Variants in DNAJC3 observed in about 807,000 individuals in gnomAD.
DNAJC3 encodes the protein DnaJ heat shock protein family (Hsp40) member C3.
DNAJC3 carries 38 observed loss-of-function variants against 68.6 expected under a neutral mutation model. That is an observed-to-expected ratio of 0.55 (90% CI 0.43 to 0.73). The LOEUF is 0.73. DNAJC3 is among the 30% of genes least tolerant of loss of function. The pLI is 0.00. For missense variants in DNAJC3, 526 were observed against 591.9 expected (o/e 0.89, Z 1.16); for synonymous variants, 203 against 204.0 (o/e 1.00, Z 0.04).
chr13:95,782,548 T>G (rs1883484988), intron 9 of DNAJC3, among the ~76,000 whole-genome samples: 1 of 152,234 alleles, frequency 6.6e-6, no homozygotes, highest in Non-Finnish European at 1.5e-5. Context: ...ATTTCTCTAA[T>G]GACCAGTGAT....
intron 11 of DNAJC3, among the ~76,000 whole-genome samples, chr13:95,787,749 T>C (rs576088892): frequency 6.6e-6 from 1 of 152,188 alleles, no homozygotes; most frequent in Admixed American, 6.5e-5. Context: ...ACTCCTGGGC[T>C]AAAGTGATCT....
At chr13:95,771,516 T>C (rs1883159136) in intron 9 of DNAJC3, among the ~76,000 whole-genome samples, 1 of 152,038 alleles carries the variant, frequency 6.6e-6, no homozygotes, top group African/African-American at 2.4e-5. Flanking sequence ...AGACTATGTG[T>C]TGAAGGCAGG....
chr13:95,747,117 T>C (rs1272833121), intron 4 of DNAJC3, among the ~76,000 whole-genome samples: 2 of 152,228 alleles, frequency 1.3e-5, no homozygotes, highest in African/African-American at 2.4e-5. Flanking sequence ...ATCATTTAAT[T>C]TGTCTTTGAG....
chr13:95,755,756 C>CA (rs56659621), intron 4 of DNAJC3, among the ~76,000 whole-genome samples: 1,823 of 14,912 alleles, frequency 0.12, 257 homozygotes, highest in Non-Finnish European at 0.18. Context: ...GACGCCGTCT[C>CA]AAAAAAAAAA....
chr13:95,794,092 A>G lies in DNAJC3; in HGVS notation c.*3062A>G, dbSNP rs1477313805. On this transcript the variant is annotated 3_prime_UTR_variant, in exon 12 of 12. Transcript: ENST00000602402. ...AGATGTAACGTACTACTAATTCTAC[A>G]ATGCCTTTCTCTTTAGTCAGTATTA... 1 of 152,248 alleles carries G rather than the reference A, an allele frequency of 6.6e-6. No individual in the cohort carries two copies. The highest frequency in any genetic ancestry group is 2.4e-5 in the African/African-American group (1 of 41,470). The allele number at this position is 152,248 out of a possible 1,614,324, so 9.4% of individuals were successfully genotyped here. A position where few individuals can be genotyped will look rare whatever the true frequency, so the allele number is the denominator to read the frequency against.
At chr13:95,739,882 T>G (rs901910878) in intron 4 of DNAJC3, among the ~76,000 whole-genome samples, 12 of 152,354 alleles carry the variant, frequency 7.9e-5, no homozygotes, top group African/African-American at 2.2e-4. Context: ...GAGGAGGAGA[T>G]GCGCTCTGCT....
intron 4 of DNAJC3, among the ~76,000 whole-genome samples, chr13:95,741,135 G>A (rs976778956): frequency 1.3e-5 from 2 of 152,074 alleles, no homozygotes; most frequent in African/African-American, 2.4e-5. Context: ...GCTTTTTCAT[G>A]TTTAAGTTCT....
chr13:95,677,923 C>G (rs750452639), intron 1 of DNAJC3, among the ~76,000 whole-genome samples: 2 of 152,108 alleles, frequency 1.3e-5, no homozygotes, highest in Non-Finnish European at 2.9e-5. Flanking sequence ...GGAATTCCAT[C>G]TCCCGGACGG....
intron 4 of DNAJC3, among the ~76,000 whole-genome samples, chr13:95,728,030 T>C (rs1881586311): frequency 6.6e-6 from 1 of 152,234 alleles, no homozygotes; most frequent in African/African-American, 2.4e-5. Context: ...TAGAATTGAC[T>C]CTTTTTACTC....
In DNAJC3 at chr13:95,792,212, T is replaced by G. The variant is rs369481789; in HGVS notation, c.*1182T>G. ...TAAGATGGCATCTCCTCTTGAGATA[T>G]GTTCTTCTTACCTTTTAAGAAGATA... On this transcript the variant is annotated 3_prime_UTR_variant, in exon 12 of 12. Coordinates refer to ENST00000602402, the MANE Select transcript of DNAJC3 (RefSeq NM_006260.5). 6 of 152,388 alleles carry G rather than the reference T, an allele frequency of 3.9e-5. No homozygotes were observed. The East Asian group carries it at 7.7e-4, about 20-fold the overall frequency. 9.4% of individuals were successfully genotyped at this position (152,388 alleles called of 1,614,324 possible). A position where few individuals can be genotyped will look rare whatever the true frequency, so the allele number is the denominator to read the frequency against.
chr13:95,787,295 C>A lies in DNAJC3; in HGVS notation c.1357+140C>A, dbSNP rs1030930352. ...CAGTTCCAGAGGTCCAGTTTTATGCCTGCCCTCATTCAGCCCTCTTATGTT... is the reference window on the plus strand; with the variant it reads ...CAGTTCCAGAGGTCCAGTTTTATGCATGCCCTCATTCAGCCCTCTTATGTT... On this transcript the variant is annotated intron_variant, in intron 11 of 11. Transcript: ENST00000602402. 5 of 1,035,702 alleles carry A rather than the reference C, an allele frequency of 4.8e-6. No homozygotes were observed. In the African/African-American group the frequency reaches 8.1e-5, roughly 17 times the overall value. The allele number at this position is 1,035,702 out of a possible 1,614,324, so 64.2% of individuals were successfully genotyped here.
At chr13:95,726,160 C>T (rs1881512932) in intron 4 of DNAJC3, among the ~76,000 whole-genome samples, 1 of 152,028 alleles carries the variant, frequency 6.6e-6, no homozygotes, top group African/African-American at 2.4e-5. Flanking sequence ...TTTATAGCAG[C>T]ATGATTTATA....
chr13:95,703,337 C>A (rs1397554840), intron 1 of DNAJC3, among the ~76,000 whole-genome samples: 1 of 152,220 alleles, frequency 6.6e-6, no homozygotes, highest in African/African-American at 2.4e-5. Flanking sequence ...AGCATAGGAA[C>A]ACCTGACAGT....
At chr13:95,689,712 A>T (rs867174377) in intron 1 of DNAJC3, among the ~76,000 whole-genome samples, 1 of 151,636 alleles carries the variant, frequency 6.6e-6, no homozygotes, top group Non-Finnish European at 1.5e-5. Flanking sequence ...CGATCTTTCT[A>T]TCTTTTTGAT....
intron 1 of DNAJC3, among the ~76,000 whole-genome samples, chr13:95,684,566 G>A (rs1392478430): frequency 6.6e-6 from 1 of 152,216 alleles, no homozygotes; most frequent in East Asian, 1.9e-4. Context: ...AGTAATTCAA[G>A]CAGACTGCAT....
In DNAJC3 at chr13:95,760,165, G is replaced by A. The variant is rs1346706684; in HGVS notation, c.672G>A (p.Ala224=). 4 of 1,611,890 alleles carry A rather than the reference G, an allele frequency of 2.5e-6. No individual in the cohort carries two copies. Among genetic ancestry groups the A allele is most frequent in the East Asian group, 2.2e-5 (1 of 44,818 alleles). ...AGTTGAAGAATGATAATACTGAAGC[G>A]TTTTATAAAATAAGCACACTGTACT... is the stretch of plus-strand genomic sequence containing the variant. ...ASKLKNDNTE[A]FYKISTLYYQ... The change falls in exon 6 of 12, where the codon GCG becomes GCA. Residue 224 remains alanine, a synonymous_variant. Transcript: ENST00000602402.
chr13:95,764,671 TATATATATATATACACAC>T (rs1341603684), intron 9 of DNAJC3, among the ~76,000 whole-genome samples: 14 of 122,568 alleles, frequency 1.1e-4, no homozygotes, highest in African/African-American at 4.9e-4. Context: ...TATATATATA[TATATATATATATACACAC>T]ACACACATAT....
At chr13:95,693,272 A>AGCTTAGGAAAGG (rs1447994027) in intron 1 of DNAJC3, 1 of 152,222 alleles carries the variant, frequency 6.6e-6, no homozygotes, top group African/African-American at 2.4e-5. Flanking sequence ...CTTAGCACTT[A>AGCTTAGGAAAGG]CAGGTATGCC....
chr13:95,749,243 A>G (rs1051009629), intron 4 of DNAJC3, among the ~76,000 whole-genome samples: 4 of 152,258 alleles, frequency 2.6e-5, no homozygotes, highest in Admixed American at 6.5e-5. Context: ...ATTTAAACTC[A>G]GCATGTGTAG....
Sources: allele counts gnomAD v4.1 joint callset (sites outside exome capture counted in the v4.1 genomes callset), GRCh38; gene constraint gnomAD v4.1.1; transcripts MANE v1.5; gene names NCBI Gene and HGNC (gene_info 2026-07-23, HGNC 2026-07-21).